VPS54: variants seen among roughly 807,000 people sequenced by gnomAD.
VPS54 encodes VPS54 subunit of GARP complex.
Under a neutral mutation model 121.5 loss-of-function variants are expected in VPS54, and 45 were observed. The observed-to-expected ratio is 0.37, with a 90% CI of 0.29 to 0.47. The LOEUF (loss-of-function observed/expected upper bound fraction) is 0.47, where lower values mean the gene tolerates loss of function less well. Ranked by LOEUF, VPS54 falls within the 20% of genes least tolerant of loss-of-function variation. The probability of loss-of-function intolerance (pLI) is 0.99; values close to 1 mark genes in which losing one functional copy is unlikely to be tolerated. For synonymous variants in VPS54, 371 were observed against 385.8 expected, an observed-to-expected ratio of 0.96 and a Z score of 0.45; for missense variants, 1,090 against 1,131.4, an observed-to-expected ratio of 0.96 and a Z score of 0.52.
chr2:63,979,718 C>A (rs977856454), intron 3 of VPS54, among the ~76,000 whole-genome samples: 2 of 152,110 alleles, frequency 1.3e-5, no homozygotes, highest in Admixed American at 1.3e-4. Flanking sequence ...TCTGATTTTT[C>A]TTTCTTCTTT....
At chr2:63,895,201 A>AAT (rs1370636361) in intron 22 of VPS54, among the ~76,000 whole-genome samples, 1 of 152,192 alleles carries the variant, frequency 6.6e-6, no homozygotes, top group African/African-American at 2.4e-5. Flanking sequence ...CATACCTATA[A>AAT]TCCCAGCACT....
intron 1 of VPS54, among the ~76,000 whole-genome samples, chr2:63,987,202 G>C (rs1428818506): frequency 1.3e-5 from 2 of 152,184 alleles, no homozygotes; most frequent in Non-Finnish European, 1.5e-5. Flanking sequence ...ATAGTTTGAA[G>C]TCTTAGATTT....
chr2:64,012,084 A>T (rs907469603), intron 1 of VPS54, among the ~76,000 whole-genome samples: 1 of 152,156 alleles, frequency 6.6e-6, no homozygotes, highest in Non-Finnish European at 1.5e-5. Flanking sequence ...ACTCCTTGGC[A>T]TTACCCTTGC....
intron 7 of VPS54, among the ~76,000 whole-genome samples, chr2:63,955,295 T>C (rs1415197801): frequency 1.3e-5 from 2 of 152,044 alleles, no homozygotes; most frequent in Admixed American, 1.3e-4. Flanking sequence ...GTGTAGGATA[T>C]AAATTTAGAC....
chr2:63,978,726 C>T (rs943279656), intron 3 of VPS54, among the ~76,000 whole-genome samples: 4 of 151,938 alleles, frequency 2.6e-5, no homozygotes, highest in African/African-American at 7.3e-5. Flanking sequence ...TTCATGGGAT[C>T]CTTCTGCCTC....
At chr2:64,005,676 C>G (rs981475010) in intron 1 of VPS54, among the ~76,000 whole-genome samples, 24 of 152,168 alleles carry the variant, frequency 1.6e-4, no homozygotes, top group African/African-American at 5.6e-4. Flanking sequence ...ATTCTGTTAT[C>G]AGGGACTATC....
At chr2:63,980,275 C>T (rs375672384) in intron 3 of VPS54, among the ~76,000 whole-genome samples, 4 of 152,108 alleles carry the variant, frequency 2.6e-5, no homozygotes, top group African/African-American at 9.7e-5. Context: ...TTTCTGCTTT[C>T]TTCTGACTAC....
chr2:63,933,019 A>G (rs985315989), intron 12 of VPS54, among the ~76,000 whole-genome samples: 4 of 152,294 alleles, frequency 2.6e-5, no homozygotes, highest in Non-Finnish European at 4.4e-5. Flanking sequence ...AAATATTAAC[A>G]TAAGAGATAA....
chr2:63,997,711 A>G (rs992309522), intron 1 of VPS54, among the ~76,000 whole-genome samples: 4 of 150,656 alleles, frequency 2.7e-5, no homozygotes, highest in Non-Finnish European at 5.9e-5. Flanking sequence ...CTCTGCTCTG[A>G]GCTTTGTTAT....
At chr2:63,954,924 T>C (rs1483401320) in intron 7 of VPS54, among the ~76,000 whole-genome samples, 1 of 152,018 alleles carries the variant, frequency 6.6e-6, no homozygotes, top group Non-Finnish European at 1.5e-5. Flanking sequence ...TTGAGACATA[T>C]CAACCAATTG....
chr2:63,994,045 G>A (rs965544843), intron 1 of VPS54, among the ~76,000 whole-genome samples: 8 of 152,106 alleles, frequency 5.3e-5, no homozygotes, highest in South Asian at 2.1e-4. Flanking sequence ...GGGAAAAGAC[G>A]TCCGCGTCAA....
At chr2:63,899,238 C>G (rs907234467) in intron 21 of VPS54, among the ~76,000 whole-genome samples, 1 of 152,156 alleles carries the variant, frequency 6.6e-6, no homozygotes, top group African/African-American at 2.4e-5. Context: ...GGAAAACCTA[C>G]TTTTTAGAAT....
chr2:64,018,852 A>AG (rs1202664139), intron 1 of VPS54, 86 bp downstream of exon 1: 1 of 57,986 alleles, frequency 1.7e-5, no homozygotes, highest in Non-Finnish European at 3.3e-5. Context: ...AGGAGAGCCG[A>AG]GGGGGTGGGG....
chr2:64,002,598 A>G (rs1347292614), intron 1 of VPS54, among the ~76,000 whole-genome samples: 1 of 152,250 alleles, frequency 6.6e-6, no homozygotes, highest in Non-Finnish European at 1.5e-5. Flanking sequence ...TTTTACAGAA[A>G]AAAAATCCTA....
chr2:64,017,267 G>C (rs1678747958), intron 1 of VPS54, among the ~76,000 whole-genome samples: 1 of 151,210 alleles, frequency 6.6e-6, no homozygotes, highest in Admixed American at 6.6e-5. Flanking sequence ...AAGCCGGTAG[G>C]CGGAGGTTGC....
At chr2:64,008,023 A>G (rs895028254) in intron 1 of VPS54, among the ~76,000 whole-genome samples, 3 of 152,164 alleles carry the variant, frequency 2.0e-5, no homozygotes, top group Non-Finnish European at 2.9e-5. Flanking sequence ...GAAAAAAAAA[A>G]AAAGAACAAG....
intron 22 of VPS54, among the ~76,000 whole-genome samples, chr2:63,896,080 T>C (rs1181743549): frequency 1.3e-5 from 2 of 152,210 alleles, no homozygotes; most frequent in Non-Finnish European, 2.9e-5. Context: ...CTATTATCTT[T>C]TCAGGAGCAG....
intron 16 of VPS54, among the ~76,000 whole-genome samples, chr2:63,914,636 G>A (rs112165975): frequency 8.6e-5 from 13 of 152,002 alleles, no homozygotes; most frequent in Non-Finnish European, 1.8e-4. Context: ...AGTAAGACAG[G>A]TATTGCATTC....
chr2:63,965,351 CTG>C (rs746513965), intron 6 of VPS54, among the ~76,000 whole-genome samples: 1 of 152,162 alleles, frequency 6.6e-6, no homozygotes, highest in Non-Finnish European at 1.5e-5. Context: ...TGGCACGCAC[CTG>C]TAGTCCCAGC....
Sources: allele counts gnomAD v4.1 joint callset (sites outside exome capture counted in the v4.1 genomes callset), GRCh38; gene constraint gnomAD v4.1.1; transcripts MANE v1.5; gene names NCBI Gene and HGNC (gene_info 2026-07-23, HGNC 2026-07-21).